ZNF596: variants seen among roughly 807,000 people sequenced by gnomAD.
The protein encoded by ZNF596 is zinc finger protein 596.
In ZNF596, 45 loss-of-function variants were observed where a neutral mutation model predicts 48.3. The observed-to-expected ratio is 0.93, with a 90% CI of 0.73 to 1.19. The LOEUF (loss-of-function observed/expected upper bound fraction) is 1.19, where lower values mean the gene tolerates loss of function less well. Ranked by LOEUF, ZNF596 falls within the 50% of genes most tolerant of loss-of-function variation. ZNF596 has a pLI of 0.00. For synonymous variants in ZNF596, 270 were observed against 202.0 expected, an observed-to-expected ratio of 1.34 and a Z score of -2.85; for missense variants, 848 against 599.7, an observed-to-expected ratio of 1.41 and a Z score of -4.32.
intron 2 of ZNF596, 31 bp from the exon 3 acceptor site, chr8:242,856 T>G: frequency 6.8e-7 from 1 of 1,463,870 alleles, no homozygotes; most frequent in Non-Finnish European, 9.1e-7. Flanking sequence ...GAGATAGCCC[T>G]GTTTGCAGTA....
In ZNF596 at chr8:246,334, C is replaced by T; in HGVS notation, c.1487C>T (p.Thr496Ile). Residue 496 changes from threonine (T) to isoleucine (I), a missense_variant, in exon 6 of 6, where the codon ACT becomes ATT. Coordinates refer to ENST00000398612, the MANE Select transcript of ZNF596 (RefSeq NM_001042416.3). ...KFFNLRQHER[T>I]HTKKAMNM ...TTTAACCTTAGACAACATGAGAGAA[C>T]TCACACTAAAAAAGCAATGAATATG... 6.3e-7 allele frequency: 1 copy of T among 1,592,360 alleles called. No homozygotes were observed. The highest frequency in any genetic ancestry group is 8.5e-7 in the Non-Finnish European group (1 of 1,172,792).
chr8:232,883 C>T, intron 1 of ZNF596, 189 bp downstream of exon 1: 3 of 466,310 alleles, frequency 6.4e-6, no homozygotes, highest in Non-Finnish European at 1.3e-5. Flanking sequence ...GACCCTGAGT[C>T]CGAGACTGGG....
chr8:245,944 A>G lies in ZNF596; in HGVS notation c.1097A>G (p.His366Arg), dbSNP rs1442837161. 3 of 1,614,016 alleles carry G rather than the reference A, an allele frequency of 1.9e-6. No homozygotes were observed. The highest frequency in any genetic ancestry group is 2.7e-5 in the African/African-American group (2 of 74,904). The change falls in exon 6 of 6, where the codon CAT becomes CGT. Residue 366 changes from histidine (H) to arginine (R), a missense_variant. Physicochemically the swap from His to Arg is conservative, Grantham distance 29. Coordinates refer to ENST00000398612, the MANE Select transcript of ZNF596 (RefSeq NM_001042416.3). Reference protein sequence around the residue: ...SHNGEKPHGCHLCGKAFTESS... With the variant: ...SHNGEKPHGCRLCGKAFTESS... The stretch of plus-strand genomic sequence containing the variant: ...AATGGAGAGAAACCACATGGATGTC[A>G]TCTATGTGGGAAAGCATTCACTGAA...
Position 243,018 on chromosome 8 carries a change from G to A in ZNF596, c.139+5G>A, listed in dbSNP as rs548527983. Reference sequence around the variant, plus strand: ...TCAGTCATCTGGTCTCTATTGGTGAGTCTCTTTATATTTATTATGTATGTA... The same window carrying A: ...TCAGTCATCTGGTCTCTATTGGTGAATCTCTTTATATTTATTATGTATGTA... On this transcript the variant is annotated splice_donor_5th_base_variant and intron_variant, in intron 3 of 5. Coordinates refer to ENST00000398612, the MANE Select transcript of ZNF596 (RefSeq NM_001042416.3). 5 of 1,605,734 alleles carry A rather than the reference G, an allele frequency of 3.1e-6. No homozygotes were observed. Among genetic ancestry groups the A allele is most frequent in the Non-Finnish European group, 2.6e-6 (3 of 1,174,496 alleles).
At chr8:237,104 G>A (rs1796647593) in intron 1 of ZNF596, 1 of 152,006 alleles carries the variant, frequency 6.6e-6, no homozygotes. Context: ...CTCTTTTTGT[G>A]GAAAGTAATA....
intron 1 of ZNF596, 50 bp from the exon 2 acceptor site, chr8:240,774 C>A: frequency 7.8e-7 from 1 of 1,274,614 alleles, no homozygotes; most frequent in Non-Finnish European, 1.1e-6. Flanking sequence ...ATGTTAGAAG[C>A]AAAACTGGAG....
chr8:233,341 T>A (rs1433051361), intron 1 of ZNF596: 1 of 327,194 alleles, frequency 3.1e-6, no homozygotes, highest in African/African-American at 2.2e-5. Flanking sequence ...ATTTCCAAAT[T>A]AGTTTCCCTT....
At position 245,280 on chromosome 8, in the gene ZNF596, G is replaced by A. The variant is rs777247733; in HGVS notation, c.433G>A (p.Gly145Arg). The A allele has an allele frequency of 8.7e-6, 14 of 1,614,028 alleles. No homozygotes were observed. The South Asian group carries it at 1.4e-4, about 16-fold the overall frequency. ...GAAACACTTTGTAAGCAAAAAGTTT[G>A]GGAAAATCTTCAGTGACTGGTTATC... is the stretch of plus-strand genomic sequence containing the variant. ...RTKHFVSKKF[G>R]KIFSDWLSFN... Residue 145 changes from glycine (G) to arginine (R), a missense_variant, in exon 6 of 6, where the codon GGG becomes AGG. By Grantham distance (125) the Gly-to-Arg change is moderately radical (BLOSUM62 -2). Transcript: ENST00000398612.
chr8:246,737 T>C lies in ZNF596; in HGVS notation c.*375T>C, dbSNP rs1271064720. The C allele has an allele frequency of 1.1e-5, 2 of 177,912 alleles. No homozygotes were observed. The highest frequency in any genetic ancestry group is 2.4e-5 in the African/African-American group (1 of 42,086). 11.0% of individuals were successfully genotyped at this position (177,912 alleles called of 1,614,324 possible). On this transcript the variant is annotated 3_prime_UTR_variant, in exon 6 of 6. Coordinates refer to ENST00000398612, the MANE Select transcript of ZNF596 (RefSeq NM_001042416.3). ...AGTAAAATCCACAGGCAAGCAACCA[T>C]ATGTCTGTAATTGCTGTGCACTCTC...
Position 233,119 on chromosome 8 carries a change from G to A in ZNF596, c.-73+425G>A. On this transcript the variant is annotated intron_variant, in intron 1 of 5. Coordinates refer to ENST00000398612, the MANE Select transcript of ZNF596 (RefSeq NM_001042416.3). ...CAACGAGCGAGAAAAGGGGAGGGAA[G>A]TTTAGATGGGAAGTGGATGGGTCTG... is the stretch of plus-strand genomic sequence containing the variant. 3.4e-5 allele frequency: 16 copies of A among 468,396 alleles called. 1 individual carries two copies. The highest frequency in any genetic ancestry group is 2.2e-4 in the South Asian group (14 of 64,552). 29.0% of individuals were successfully genotyped at this position (468,396 alleles called of 1,614,324 possible).
intron 3 of ZNF596, 29 bp downstream of exon 3, chr8:243,042 T>C: frequency 6.4e-7 from 1 of 1,571,110 alleles, no homozygotes; most frequent in Non-Finnish European, 8.7e-7. Context: ...ATTATGTATG[T>C]ATATACGGAT....
Position 246,422 on chromosome 8 carries a change from T to A in ZNF596, c.*60T>A. On this transcript the variant is annotated 3_prime_UTR_variant, in exon 6 of 6. Coordinates refer to ENST00000398612, the MANE Select transcript of ZNF596 (RefSeq NM_001042416.3). ...CAAGGACAAACATACTACAGGAATA[T>A]TATGTCTGTAATCAGTGTGGAAAAG... is the stretch of plus-strand genomic sequence containing the variant. 6.6e-7 allele frequency: 1 copy of A among 1,508,528 alleles called. No homozygotes were observed. Among genetic ancestry groups the A allele is most frequent in the Non-Finnish European group, 8.8e-7 (1 of 1,131,738 alleles). 93.4% of individuals were successfully genotyped at this position (1,508,528 alleles called of 1,614,324 possible).
At chr8:238,188 G>A (rs781707043) in intron 1 of ZNF596, among the ~76,000 whole-genome samples, 2 of 152,092 alleles carry the variant, frequency 1.3e-5, no homozygotes, top group Non-Finnish European at 2.9e-5. Context: ...CCATACTCTT[G>A]AGCCAAGGTA....
chr8:240,753 C>G (rs1796820003), intron 1 of ZNF596, 71 bp from the exon 2 acceptor site: 2 of 1,018,722 alleles, frequency 2.0e-6, no homozygotes, highest in Non-Finnish European at 3.0e-6. Context: ...GGGCTAATAG[C>G]TTTGGGGCAG....
chr8:241,226 A>C (rs9314442), intron 2 of ZNF596, among the ~76,000 whole-genome samples: 1 of 152,048 alleles, frequency 6.6e-6, no homozygotes, highest in Non-Finnish European at 1.5e-5. Flanking sequence ...AAATTCACTC[A>C]TTACCTATGT....
intron 1 of ZNF596, among the ~76,000 whole-genome samples, chr8:238,210 G>A (rs1374536556): frequency 6.6e-6 from 1 of 152,150 alleles, no homozygotes; most frequent in Non-Finnish European, 1.5e-5. Flanking sequence ...AGAATTTTTA[G>A]GAGGCTTGTG....
At position 245,822 on chromosome 8, in the gene ZNF596, T is replaced by G. The variant is rs1797053577; in HGVS notation, c.975T>G (p.His325Gln). 6.2e-7 allele frequency: 1 copy of G among 1,614,072 alleles called. No homozygotes were observed. The highest frequency in any genetic ancestry group is 8.5e-7 in the Non-Finnish European group (1 of 1,179,996). The change falls in exon 6 of 6, where the codon CAT becomes CAG. Residue 325 changes from histidine (H) to glutamine (Q), a missense_variant. Physicochemically the swap from His to Gln is conservative, Grantham distance 24. Coordinates refer to ENST00000398612, the MANE Select transcript of ZNF596 (RefSeq NM_001042416.3). ...GTAAATGTTCTTACCTTAGACAACA[T>G]GAAAGAACTCACAATGGAGAGAAAC... ...AFSKCSYLRQ[H>Q]ERTHNGEKPY...
intron 3 of ZNF596, 82 bp downstream of exon 3, chr8:243,095 A>G: frequency 7.4e-7 from 1 of 1,356,088 alleles, no homozygotes; most frequent in Non-Finnish European, 1.0e-6. Context: ...CTTTCATTCT[A>G]CACGTGCTTA....
Position 240,392 on chromosome 8 carries a change from G to C in ZNF596, c.-72-432G>C, listed in dbSNP as rs557158429. On this transcript the variant is annotated intron_variant, in intron 1 of 5. Coordinates refer to ENST00000398612, the MANE Select transcript of ZNF596 (RefSeq NM_001042416.3). ...GTGTATCCAGAGGACCAGCAGAAGGGAGAAGGAATGGAGGGAGGCTCCTGA... is the reference window on the plus strand; with the variant it reads ...GTGTATCCAGAGGACCAGCAGAAGGCAGAAGGAATGGAGGGAGGCTCCTGA... 1.4e-4 allele frequency: 23 copies of C among 167,556 alleles called. No homozygotes were observed. In the South Asian group the frequency reaches 3.2e-3, roughly 23 times the overall value. The allele number at this position is 167,556 out of a possible 1,614,324, so 10.4% of individuals were successfully genotyped here.
Sources: allele counts gnomAD v4.1 joint callset (sites outside exome capture counted in the v4.1 genomes callset), GRCh38; gene constraint gnomAD v4.1.1; transcripts MANE v1.5; gene names NCBI Gene and HGNC (gene_info 2026-07-23, HGNC 2026-07-21).